Variants in MMP3 observed in about 807,000 individuals in gnomAD.
MMP3 encodes the protein stromelysin-1.
Under a neutral mutation model 47.3 loss-of-function variants are expected in MMP3, and 46 were observed. That is an observed-to-expected ratio of 0.97 (90% CI 0.77 to 1.24). The LOEUF (loss-of-function observed/expected upper bound fraction) is 1.24. Ranked by LOEUF, MMP3 falls within the 50% of genes most tolerant of loss-of-function variation. The pLI is 0.00. For synonymous variants in MMP3, 216 were observed against 206.5 expected (o/e 1.05, Z -0.39); for missense variants, 558 against 565.5 (o/e 0.99, Z 0.13).
At position 102,840,438 on chromosome 11, in the gene MMP3, A is replaced by T; in HGVS notation, c.781T>A (p.Ser261Thr). The T allele has an allele frequency of 6.2e-7, 1 of 1,613,928 alleles. No homozygotes were observed. The highest frequency in any genetic ancestry group is 8.5e-7 in the Non-Finnish European group (1 of 1,179,952). The change falls in exon 5 of 10, where the codon TCC becomes ACC. Residue 261 changes from serine (S) to threonine (T), a missense_variant. By Grantham distance (58) the Ser-to-Thr change is moderately conservative. Transcript: ENST00000299855. Reference sequence around the variant, plus strand: ...TCCCAGTGTCACTCACCATAGAGGGACTGAATGCCATTTATATCATCTTGA... The same window carrying T: ...TCCCAGTGTCACTCACCATAGAGGGTCTGAATGCCATTTATATCATCTTGA... The part of the protein sequence containing the change: ...LSQDDINGIQ[S>T]LYGPPPDSPE...
chr11:102,843,034 G>T, intron 1 of MMP3, 118 bp from the exon 2 acceptor site: 3 of 957,022 alleles, frequency 3.1e-6, no homozygotes, highest in Non-Finnish European at 4.4e-6. Flanking sequence ...TCTCTAGCTT[G>T]CTGAAATAAT....
chr11:102,842,429 A>ATTTTTTTTTTTTTTTTTTTTTTTTTTTTC lies in MMP3; in HGVS notation c.499+1_499+2insGAAAAAAAAAAAAAAAAAAAAAAAAAAAA. 1 of 641,244 alleles carries ATTTTTTTTTTTTTTTTTTTTTTTTTTTTC rather than the reference A, an allele frequency of 1.6e-6. No individual in the cohort carries two copies. Among genetic ancestry groups the ATTTTTTTTTTTTTTTTTTTTTTTTTTTTC allele is most frequent in the Non-Finnish European group, 2.0e-6 (1 of 506,512 alleles). The allele number at this position is 641,244 out of a possible 1,614,324, so 39.7% of individuals were successfully genotyped here. On this transcript the variant is annotated splice_donor_variant, in intron 3 of 9. Transcript: ENST00000299855. LOFTEE classifies it high-confidence loss of function. ...CTTTTTTTTTTTTTTTTTTTTTTTT[A>ATTTTTTTTTTTTTTTTTTTTTTTTTTTTC]CCTCTAACTGCAAAAGAGATCATTA...
rs150328773 is a variant in MMP3 at position 102,835,988 on chromosome 11, T to G, written c.*138A>C. 1.5e-6 allele frequency: 1 copy of G among 648,254 alleles called. No homozygotes were observed. Among genetic ancestry groups the G allele is most frequent in the East Asian group, 2.6e-5 (1 of 38,200 alleles). 40.2% of individuals were successfully genotyped at this position (648,254 alleles called of 1,614,324 possible). A position where few individuals can be genotyped will look rare whatever the true frequency, so the allele number is the denominator to read the frequency against. On this transcript the variant is annotated 3_prime_UTR_variant, in exon 10 of 10. Transcript: ENST00000299855. The stretch of plus-strand genomic sequence containing the variant: ...TAAAAATGACCGGCAAGATACAGAT[T>G]CACGCTCAAGTTCCCTTGAGTGTGA...
chr11:102,838,459 C>T, intron 8 of MMP3, 92 bp downstream of exon 8: 1 of 1,330,952 alleles, frequency 7.5e-7, no homozygotes. Context: ...AAGAGAGAAG[C>T]AGGCCTAAGG....
Position 102,843,604 on chromosome 11 carries a change from C to G in MMP3, c.-58G>C. The G allele has an allele frequency of 7.4e-7, 1 of 1,354,952 alleles. No homozygotes were observed. Among genetic ancestry groups the G allele is most frequent in the Non-Finnish European group, 1.0e-6 (1 of 958,354 alleles). The allele number at this position is 1,354,952 out of a possible 1,614,324, so 83.9% of individuals were successfully genotyped here. On this transcript the variant is annotated 5_prime_UTR_variant, in exon 1 of 10. Transcript: ENST00000299855. ...CTATGCCTTGCTGTCTTGCCTGCCT[C>G]CTTGTAGGTCCAACCTCGGGAGCGC...
Position 102,836,551 on chromosome 11 carries a change from G to C in MMP3, c.1334-325C>G. The C allele has an allele frequency of 2.0e-6, 1 of 498,156 alleles. No individual in the cohort carries two copies. Among genetic ancestry groups the C allele is most frequent in the Non-Finnish European group, 4.1e-6 (1 of 245,042 alleles). The allele number at this position is 498,156 out of a possible 1,614,324, so 30.9% of individuals were successfully genotyped here. A position where few individuals can be genotyped will look rare whatever the true frequency, so the allele number is the denominator to read the frequency against. On this transcript the variant is annotated intron_variant, in intron 9 of 9. Transcript: ENST00000299855. This position sits in a 1 kb window ranked among gnomAD's most constrained non-coding sequence, Gnocchi z 4.6. ...TGTCTGAAAACACAGCCAGATTCCA[G>C]GTTACAGGGTTATTCTGCTTCCGAT... is the stretch of plus-strand genomic sequence containing the variant.
At position 102,842,674 on chromosome 11, in the gene MMP3, G is replaced by T. The variant is rs782775445; in HGVS notation, c.348C>A (p.Tyr116Ter). Reference protein sequence around the residue: ...IPKWRKTHLTYRIVNYTPDLP... With the variant: ...IPKWRKTHLT ...TGAAAACCCCTCTGAACCATTACCT[G>T]TATGTAAGGTGGGTTTTCCTCCACT... Residue 116 changes from tyrosine (Y) to a stop codon, truncating the protein, a stop_gained and splice_region_variant, in exon 2 of 10, where the codon TAC (tyrosine) becomes TAA (stop). Coordinates refer to ENST00000299855, the MANE Select transcript of MMP3 (RefSeq NM_002422.5). LOFTEE classifies it high-confidence loss of function. 6.2e-7 allele frequency: 1 copy of T among 1,613,900 alleles called. No homozygotes were observed.
intron 8 of MMP3, 121 bp downstream of exon 8, chr11:102,838,430 A>G (rs1858924344): frequency 4.7e-6 from 5 of 1,066,502 alleles, no homozygotes; most frequent in African/African-American, 3.2e-5. Context: ...CAGTTGTCTG[A>G]AGTCCCATCC....
In MMP3 at chr11:102,837,479, T is replaced by C. The variant is rs1858903887; in HGVS notation, c.1230-78A>G. 1 of 1,068,414 alleles carries C rather than the reference T, an allele frequency of 9.4e-7. No individual in the cohort carries two copies. The highest frequency in any genetic ancestry group is 1.4e-6 in the Non-Finnish European group (1 of 708,868). 66.2% of individuals were successfully genotyped at this position (1,068,414 alleles called of 1,614,324 possible). On this transcript the variant is annotated intron_variant, in intron 8 of 9. Transcript: ENST00000299855. The surrounding 1 kb of genome is among the most constrained non-coding windows in gnomAD (Gnocchi z 4.4). Reference sequence around the variant, plus strand: ...ACATCTTAGATCATGTTAGGTTTAATGTGGAATTTTACTAAACTTTATAAA... The same window carrying C: ...ACATCTTAGATCATGTTAGGTTTAACGTGGAATTTTACTAAACTTTATAAA...
rs1040470677 is a variant in MMP3, at chr11:102,840,270, G to A, written c.791-18C>T. 11 of 1,610,394 alleles carry A rather than the reference G, an allele frequency of 6.8e-6. No individual in the cohort carries two copies. The African/African-American group carries it at 1.1e-4, about 16-fold the overall frequency. On this transcript the variant is annotated intron_variant, in intron 5 of 9. Coordinates refer to ENST00000299855, the MANE Select transcript of MMP3 (RefSeq NM_002422.5). The stretch of plus-strand genomic sequence containing the variant: ...GGGAGGTCCTAAAGGGAACATTAGG[G>A]GAAATGTGATACGTTTCAATATATG...
rs1859008182 is a variant in MMP3, at chr11:102,842,148, A to G, written c.625+6T>C. On this transcript the variant is annotated splice_donor_region_variant and intron_variant, in intron 4 of 9. Coordinates refer to ENST00000299855, the MANE Select transcript of MMP3 (RefSeq NM_002422.5). ...CCAAAATCATTCTGAGAGATGTGTA[A>G]CTAACCTGTTGTATCCTTTGTCCAT... 1.3e-6 allele frequency: 2 copies of G among 1,565,330 alleles called. No homozygotes were observed. The highest frequency in any genetic ancestry group is 1.7e-6 in the Non-Finnish European group (2 of 1,158,412).
Position 102,837,458 on chromosome 11 carries a change from C to G in MMP3, c.1230-57G>C. 8.0e-7 allele frequency: 1 copy of G among 1,249,826 alleles called. No individual in the cohort carries two copies. The highest frequency in any genetic ancestry group is 1.2e-6 in the Non-Finnish European group (1 of 863,356). The allele number at this position is 1,249,826 out of a possible 1,614,324, so 77.4% of individuals were successfully genotyped here. ...GCATAGAGGCCATGTTACCGAACATCTTAGATCATGTTAGGTTTAATGTGG... is the reference window on the plus strand; with the variant it reads ...GCATAGAGGCCATGTTACCGAACATGTTAGATCATGTTAGGTTTAATGTGG... On this transcript the variant is annotated intron_variant, in intron 8 of 9. Coordinates refer to ENST00000299855, the MANE Select transcript of MMP3 (RefSeq NM_002422.5). This position sits in a 1 kb window ranked among gnomAD's most constrained non-coding sequence, Gnocchi z 4.4.
rs1555004714 is a variant in MMP3, at chr11:102,837,267, T to TTTAGAAATACA, written c.1333+30_1333+31insTGTATTTCTAA. 7.9e-6 allele frequency: 12 copies of TTTAGAAATACA among 1,522,162 alleles called. No individual in the cohort carries two copies. 94.3% of individuals were successfully genotyped at this position (1,522,162 alleles called of 1,614,324 possible). A position where few individuals can be genotyped will look rare whatever the true frequency, so the allele number is the denominator to read the frequency against. On this transcript the variant is annotated intron_variant, in intron 9 of 9. Transcript: ENST00000299855. The surrounding 1 kb of genome is among the most constrained non-coding windows in gnomAD (Gnocchi z 4.4). ...TGATATCATAAAATGTTTCAAGTGCTCTATGGCCAACACAGTAAGTATCCT... is the reference window on the plus strand; with the variant it reads ...TGATATCATAAAATGTTTCAAGTGCTTTAGAAATACACTATGGCCAACACAGTAAGTATCCT...
Position 102,838,532 on chromosome 11 carries a change from C to A in MMP3, c.1229+19G>T. On this transcript the variant is annotated intron_variant, in intron 8 of 9. Transcript: ENST00000299855. ...TCCCTAATTAGGCTCCATACAAAGT[C>A]ATTTCTCTTGCATCTCACCTCCAGT... The A allele has an allele frequency of 1.2e-6, 2 of 1,606,556 alleles. No homozygotes were observed. The highest frequency in any genetic ancestry group is 2.2e-5 in the South Asian group (2 of 89,878).
chr11:102,836,074 G>T lies in MMP3; in HGVS notation c.*52C>A, dbSNP rs1858875463. The T allele has an allele frequency of 3.0e-6, 4 of 1,327,680 alleles. No homozygotes were observed. The highest frequency in any genetic ancestry group is 4.6e-5 in the East Asian group (2 of 43,270). 82.2% of individuals were successfully genotyped at this position (1,327,680 alleles called of 1,614,324 possible). ...TTCAATTCACAGAGACTTAGGTGAAGAATTATTAGCTTCATTTAAAGTGCC... is the reference window on the plus strand; with the variant it reads ...TTCAATTCACAGAGACTTAGGTGAATAATTATTAGCTTCATTTAAAGTGCC... On this transcript the variant is annotated 3_prime_UTR_variant, in exon 10 of 10. Coordinates refer to ENST00000299855, the MANE Select transcript of MMP3 (RefSeq NM_002422.5). The surrounding 1 kb of genome is among the most constrained non-coding windows in gnomAD (Gnocchi z 4.6).
intron 7 of MMP3, 83 bp downstream of exon 7, chr11:102,839,027 A>G (rs1858940208): frequency 6.8e-7 from 1 of 1,465,154 alleles, no homozygotes; most frequent in Admixed American, 2.0e-5. Flanking sequence ...CAGAACTTGT[A>G]GTAGGGAAAA....
rs1555005695 is a variant in MMP3, at chr11:102,842,503, C to T, written c.427G>A (p.Glu143Lys). Reference protein sequence around the residue: ...AVEKALKVWEEVTPLTFSRLY... With the variant: ...AVEKALKVWEKVTPLTFSRLY... ...CTGGAGAATGTGAGTGGAGTCACCT[C>T]TTCCCAGACTTTCAGAGCTTTCTCA... The change falls in exon 3 of 10, where the codon GAG (glutamate) becomes AAG (lysine). Residue 143 changes from glutamate (E) to lysine (K), a missense_variant. Transcript: ENST00000299855. 1.3e-6 allele frequency: 2 copies of T among 1,575,674 alleles called. No individual in the cohort carries two copies. The highest frequency in any genetic ancestry group is 1.1e-5 in the South Asian group (1 of 90,532).
rs1858974175 is a variant in MMP3, at chr11:102,840,430, A to G, written c.789T>C (p.Tyr263=). The stretch of plus-strand genomic sequence containing the variant: ...GCTGATTTTCCCAGTGTCACTCACC[A>G]TAGAGGGACTGAATGCCATTTATAT... The part of the protein sequence containing the change: ...QDDINGIQSL[Y]GPPPDSPETP... The change falls in exon 5 of 10, where the codon TAT becomes TAC. Residue 263 remains tyrosine, a splice_region_variant and synonymous_variant. Transcript: ENST00000299855. 2.5e-6 allele frequency: 4 copies of G among 1,613,868 alleles called. No homozygotes were observed. In the East Asian group the frequency reaches 6.7e-5, roughly 27 times the overall value.
In MMP3 at chr11:102,837,378, A is replaced by G. The variant is rs1357499164; in HGVS notation, c.1253T>C (p.Met418Thr). Residue 418 changes from methionine to threonine, a missense_variant, in exon 9 of 10, where the codon ATG becomes ACG. By Grantham distance (81) the Met-to-Thr change is moderately conservative (BLOSUM62 -1). Transcript: ENST00000299855. The surrounding 1 kb of genome is among the most constrained non-coding windows in gnomAD (Gnocchi z 4.4). ...TATTTGCTTGGGAAAGCCTGGCTCCATGGAATTTCTCTTCTCATCAAATCT... is the reference window on the plus strand; with the variant it reads ...TATTTGCTTGGGAAAGCCTGGCTCCGTGGAATTTCTCTTCTCATCAAATCT... ...YWRFDEKRNS[M>T]EPGFPKQIAE... The G allele has an allele frequency of 4.3e-6, 7 of 1,613,824 alleles. No individual in the cohort carries two copies. The African/African-American group carries it at 5.3e-5, about 12-fold the overall frequency.
Sources: gnomAD v4.1 joint callset for allele counts on GRCh38, gnomAD v4.1.1 for gene constraint, Gnocchi (gnomAD v3.1) non-coding constraint, MANE v1.5 for transcripts, NCBI Gene and HGNC (gene_info 2026-07-23, HGNC 2026-07-21) for gene names.